MDGA2: variants seen among roughly 807,000 people sequenced by gnomAD.
MDGA2 encodes the protein MAM domain containing glycosylphosphatidylinositol anchor 2, also known as MAM domain-containing glycosylphosphatidylinositol anchor protein 2.
In MDGA2, 40 loss-of-function variants were observed where a neutral mutation model predicts 117.8. That is an observed-to-expected ratio of 0.34 (90% CI 0.26 to 0.44). The LOEUF (loss-of-function observed/expected upper bound fraction) is 0.44. Among genes scored for constraint, MDGA2 ranks in the 20% least tolerant of loss-of-function variants. The pLI is 1.00. For missense variants in MDGA2, 1,123 were observed against 1,250.6 expected (o/e 0.90, Z 1.54); for synonymous variants, 452 against 439.0 (o/e 1.03, Z -0.37).
intron 9 of MDGA2, among the ~76,000 whole-genome samples, chr14:46,922,470 T>A (rs1884170308): frequency 6.6e-6 from 1 of 152,174 alleles, no homozygotes; most frequent in Admixed American, 6.5e-5. Flanking sequence ...TTAGATTAAA[T>A]ATGGTTTAAA....
At chr14:47,200,686 C>T in intron 3 of MDGA2, 1 of 1,028,878 alleles carries the variant, frequency 9.7e-7, no homozygotes, top group Non-Finnish European at 1.5e-6. Flanking sequence ...TCTTCCAGTA[C>T]TGGATCTTGG....
chr14:47,478,467 C>T (rs544516216), intron 1 of MDGA2, among the ~76,000 whole-genome samples: 1 of 152,164 alleles, frequency 6.6e-6, no homozygotes, highest in Non-Finnish European at 1.5e-5. Flanking sequence ...GCCTTCACCT[C>T]CTGGCTCAAG....
chr14:47,161,179 CTTAAT>C (rs1216668048), intron 3 of MDGA2, among the ~76,000 whole-genome samples: 3 of 152,016 alleles, frequency 2.0e-5, no homozygotes, highest in Admixed American at 6.6e-5. Context: ...TACTAATTTA[CTTAAT>C]TTAATTACAT....
At chr14:47,610,787 GC>G (rs1275853184) in intron 1 of MDGA2, among the ~76,000 whole-genome samples, 1 of 151,940 alleles carries the variant, frequency 6.6e-6, no homozygotes, top group African/African-American at 2.4e-5. Context: ...TACTGCCAAA[GC>G]CAATCTACAA....
At chr14:47,506,791 G>T (rs977594436) in intron 1 of MDGA2, among the ~76,000 whole-genome samples, 3 of 152,158 alleles carry the variant, frequency 2.0e-5, no homozygotes, top group African/African-American at 7.2e-5. Context: ...GAGGCGGGAG[G>T]ATCATTTGAG....
chr14:46,987,318 T>C (rs1886897026), intron 8 of MDGA2, among the ~76,000 whole-genome samples: 1 of 152,106 alleles, frequency 6.6e-6, no homozygotes, highest in Admixed American at 6.6e-5. Context: ...GCTGAAGCAC[T>C]GTCACAAAAT....
intron 1 of MDGA2, among the ~76,000 whole-genome samples, chr14:47,535,447 G>C (rs971223912): frequency 6.6e-6 from 1 of 152,202 alleles, no homozygotes; most frequent in East Asian, 1.9e-4. Context: ...TCAGGCAAAG[G>C]GGCTGCTTTT....
At chr14:46,852,468 G>A (rs533432674) in intron 15 of MDGA2, among the ~76,000 whole-genome samples, 1 of 151,790 alleles carries the variant, frequency 6.6e-6, no homozygotes, top group African/African-American at 2.4e-5. Flanking sequence ...GAATGTTCAG[G>A]GCAGAATACC....
chr14:47,342,147 G>C (rs1437805578), intron 1 of MDGA2, among the ~76,000 whole-genome samples: 1 of 151,784 alleles, frequency 6.6e-6, no homozygotes, highest in African/African-American at 2.4e-5. Flanking sequence ...CACTGCGCCT[G>C]GCCTGGCTTA....
intron 1 of MDGA2, among the ~76,000 whole-genome samples, chr14:47,408,900 G>GGTAA (rs1237468540): frequency 6.6e-6 from 1 of 152,044 alleles, no homozygotes; most frequent in Non-Finnish European, 1.5e-5. Context: ...ACATGATGGA[G>GGTAA]GTAAGAATGT....
chr14:47,248,129 T>G (rs1198475172), intron 2 of MDGA2, among the ~76,000 whole-genome samples: 2 of 151,586 alleles, frequency 1.3e-5, no homozygotes, highest in Non-Finnish European at 3.0e-5. Flanking sequence ...GTCTTTATAG[T>G]AGAATGATTT....
chr14:47,625,574 A>G (rs1395799060), intron 1 of MDGA2, among the ~76,000 whole-genome samples: 5 of 152,220 alleles, frequency 3.3e-5, no homozygotes, highest in African/African-American at 4.8e-5. Flanking sequence ...AAACTGGCAA[A>G]TAAAAATAGA....
intron 3 of MDGA2, among the ~76,000 whole-genome samples, chr14:47,152,685 A>G (rs1883207372): frequency 6.6e-6 from 1 of 152,014 alleles, no homozygotes; most frequent in Non-Finnish European, 1.5e-5. Context: ...AAAAAGGCAA[A>G]TAAATGAATA....
At chr14:47,671,133 G>C (rs114289290) in intron 1 of MDGA2, among the ~76,000 whole-genome samples, 6,929 of 152,160 alleles carry the variant, frequency 0.046, 146 homozygotes, top group Middle Eastern at 0.071. Flanking sequence ...CAGAATTATT[G>C]GTGGAAGGCA....
In MDGA2 at chr14:47,192,116, C is replaced by T. The variant is rs547573177; in HGVS notation, c.595+25905G>A. Among the ~76,000 whole-genome samples, 271 of 152,264 alleles carry T rather than the reference C, an allele frequency of 1.8e-3. 1 individual carries two copies. The highest frequency in any genetic ancestry group is 5.9e-3 in the African/African-American group (247 of 41,540). On this transcript the variant is annotated intron_variant, in intron 3 of 16. Transcript: ENST00000399232. ...GTAGTTGATAATAAAGGCAAGGCAACGACAATTGCAGTGGAGATAAGTGTG... is the reference window on the plus strand; with the variant it reads ...GTAGTTGATAATAAAGGCAAGGCAATGACAATTGCAGTGGAGATAAGTGTG...
chr14:47,076,403 T>G (rs2138865444), intron 6 of MDGA2, among the ~76,000 whole-genome samples: 1 of 152,246 alleles, frequency 6.6e-6, no homozygotes, highest in South Asian at 2.1e-4. Context: ...ATGACACATT[T>G]TTCTTAACAT....
intron 8 of MDGA2, among the ~76,000 whole-genome samples, chr14:47,017,942 T>C (rs192364956): frequency 1.3e-5 from 2 of 152,272 alleles, no homozygotes; most frequent in Admixed American, 6.5e-5. Context: ...ATATTTCTGG[T>C]ATTTATTGCT....
At chr14:47,379,651 C>T (rs1476778368) in intron 1 of MDGA2, among the ~76,000 whole-genome samples, 1 of 152,148 alleles carries the variant, frequency 6.6e-6, no homozygotes, top group African/African-American at 2.4e-5. Flanking sequence ...GCAAAGGGAT[C>T]AATTCAACGA....
At chr14:47,225,732 C>T (rs748108989) in intron 2 of MDGA2, among the ~76,000 whole-genome samples, 26 of 151,822 alleles carry the variant, frequency 1.7e-4, no homozygotes, top group Non-Finnish European at 3.7e-4. Flanking sequence ...TTAATGGGTG[C>T]AGCGCACCAG....
Sources: gnomAD v4.1 joint callset for allele counts (sites outside exome capture counted in the v4.1 genomes callset) on GRCh38, gnomAD v4.1.1 for gene constraint, MANE v1.5 for transcripts, NCBI Gene and HGNC (gene_info 2026-07-23, HGNC 2026-07-21) for gene names.